LARP4B: variants seen among roughly 807,000 people sequenced by gnomAD.
LARP4B encodes the protein La ribonucleoprotein 4B.
LARP4B carries 12 observed loss-of-function variants against 89.8 expected under a neutral mutation model. That is an observed-to-expected ratio of 0.13 (90% CI 0.09 to 0.22). The LOEUF (loss-of-function observed/expected upper bound fraction) is 0.22. Among genes scored for constraint, LARP4B ranks in the 10% least tolerant of loss-of-function variants. The probability of loss-of-function intolerance (pLI) is 1.00; values close to 1 mark genes in which losing one functional copy is unlikely to be tolerated. For synonymous variants in LARP4B, 367 were observed against 363.3 expected, an observed-to-expected ratio of 1.01 and a Z score of -0.12; for missense variants, 757 against 947.7, an observed-to-expected ratio of 0.80 and a Z score of 2.64.
At position 812,819 on chromosome 10, in the gene LARP4B, TCA is replaced by T; in HGVS notation, c.*105_*106del. On this transcript the variant is annotated 3_prime_UTR_variant, in exon 18 of 18. Coordinates refer to ENST00000316157, the MANE Select transcript of LARP4B (RefSeq NM_015155.3). ...AACCAACTTGAGGATCCCACAGGCC[TCA>T]GACACTGCAAGCTCCTAACCAGCGG... is the stretch of plus-strand genomic sequence containing the variant. 1 of 1,040,814 alleles carries T rather than the reference TCA, an allele frequency of 9.6e-7. No individual in the cohort carries two copies. Among genetic ancestry groups the T allele is most frequent in the East Asian group, 2.8e-5 (1 of 35,154 alleles). 64.5% of individuals were successfully genotyped at this position (1,040,814 alleles called of 1,614,324 possible).
chr10:909,009 T>C (rs964647874), intron 1 of LARP4B, among the ~76,000 whole-genome samples: 3 of 152,160 alleles, frequency 2.0e-5, no homozygotes, highest in Admixed American at 6.5e-5. Flanking sequence ...AAATTCCAAG[T>C]TGCGGCCAGG....
chr10:820,526 A>G (rs61830897), intron 14 of LARP4B: 17,843 of 424,082 alleles, frequency 0.042, 492 homozygotes, highest in Middle Eastern at 0.082. Context: ...GCTGCAGTGC[A>G]TGCGACAGCA....
chr10:895,683 A>G (rs554776168), intron 1 of LARP4B, among the ~76,000 whole-genome samples: 70 of 152,064 alleles, frequency 4.6e-4, no homozygotes, highest in Non-Finnish European at 7.5e-4. Context: ...AAAAAAAAAA[A>G]AAAAGAAAAG....
At chr10:961,001 G>T in the LARP4B span, among the ~76,000 whole-genome samples, 1 of 152,180 alleles carries the variant, frequency 6.6e-6, no homozygotes, top group Non-Finnish European at 1.5e-5. Flanking sequence ...AGCACAGCAG[G>T]AGCGGAAGCC....
At chr10:982,289 G>C in the LARP4B span, among the ~76,000 whole-genome samples, 2 of 151,466 alleles carry the variant, frequency 1.3e-5, no homozygotes. Context: ...ATGGAGTTTT[G>C]CCATGTTGGC....
At chr10:829,983 A>G (rs1246025493) in intron 9 of LARP4B, among the ~76,000 whole-genome samples, 1 of 152,216 alleles carries the variant, frequency 6.6e-6, no homozygotes, top group African/African-American at 2.4e-5. Context: ...AACAGATGCC[A>G]TAGAAGTCTC....
chr10:824,033 C>T (rs1588859961), intron 13 of LARP4B, among the ~76,000 whole-genome samples: 1 of 152,186 alleles, frequency 6.6e-6, no homozygotes, highest in Non-Finnish European at 1.5e-5. Flanking sequence ...AGAGGGTGTG[C>T]ACTGTGGCAG....
At chr10:858,185 G>A (rs1254552241) in intron 5 of LARP4B, among the ~76,000 whole-genome samples, 2 of 152,112 alleles carry the variant, frequency 1.3e-5, no homozygotes, top group Non-Finnish European at 2.9e-5. Context: ...CTTTCCCTGC[G>A]GTGGCCTATT....
At chr10:884,620 T>C in intron 2 of LARP4B, 114 bp from the exon 3 acceptor site, 1 of 657,546 alleles carries the variant, frequency 1.5e-6, no homozygotes, top group Non-Finnish European at 2.6e-6. Flanking sequence ...ACATTTCACA[T>C]GACAAATTCA....
intron 1 of LARP4B, among the ~76,000 whole-genome samples, chr10:901,867 T>A: frequency 6.6e-6 from 1 of 152,224 alleles, no homozygotes; most frequent in South Asian, 2.1e-4. Flanking sequence ...TTGGTTCTCC[T>A]CCTAAGGAGG....
At chr10:847,524 C>CT (rs201495770) in intron 5 of LARP4B, among the ~76,000 whole-genome samples, 15,769 of 145,936 alleles carry the variant, frequency 0.11, 963 homozygotes, top group East Asian at 0.23. Context: ...AAACTTTTTT[C>CT]TTTTTTTTTT....
At chr10:857,996 A>G (rs1219126756) in intron 5 of LARP4B, among the ~76,000 whole-genome samples, 1 of 152,194 alleles carries the variant, frequency 6.6e-6, no homozygotes, top group African/African-American at 2.4e-5. Context: ...GCCAATTTCT[A>G]GAAAGACCCA....
At chr10:943,609 A>G in the LARP4B span, among the ~76,000 whole-genome samples, 1 of 152,126 alleles carries the variant, frequency 6.6e-6, no homozygotes, top group Admixed American at 6.6e-5. Context: ...TTCAGCCTCC[A>G]TTCTGAGTGG....
chr10:844,235 C>T (rs566146271), intron 6 of LARP4B, among the ~76,000 whole-genome samples: 1 of 152,338 alleles, frequency 6.6e-6, no homozygotes, highest in South Asian at 2.1e-4. Context: ...CACTTGTGCT[C>T]CACTAGGGCG....
intron 1 of LARP4B, among the ~76,000 whole-genome samples, chr10:905,137 G>A (rs1053714184): frequency 2.6e-5 from 4 of 152,042 alleles, no homozygotes; most frequent in African/African-American, 9.7e-5. Context: ...AACACTTCTG[G>A]CCTCAAGCAT....
At chr10:868,032 C>G (rs150796186) in intron 3 of LARP4B, among the ~76,000 whole-genome samples, 112 of 151,894 alleles carry the variant, frequency 7.4e-4, no homozygotes, top group African/African-American at 2.6e-3. Flanking sequence ...TTAAATAAAC[C>G]CTTCCACCCC....
chr10:945,127 T>G, the LARP4B span, among the ~76,000 whole-genome samples: 1 of 152,230 alleles, frequency 6.6e-6, no homozygotes, highest in Admixed American at 6.5e-5. Flanking sequence ...CTCACCCCTG[T>G]AATCTCAGCA....
At chr10:911,632 A>T (rs1460699187) in intron 1 of LARP4B, among the ~76,000 whole-genome samples, 1 of 152,128 alleles carries the variant, frequency 6.6e-6, no homozygotes, top group East Asian at 1.9e-4. Flanking sequence ...GGACACTTCT[A>T]ATGACTCTGA....
Position 814,663 on chromosome 10 carries a change from C to T in LARP4B, c.1929+79G>A. 1 of 1,551,884 alleles carries T rather than the reference C, an allele frequency of 6.4e-7. No individual in the cohort carries two copies. On this transcript the variant is annotated intron_variant, in intron 17 of 17. Transcript: ENST00000316157. The surrounding 1 kb of genome is among the most constrained non-coding windows in gnomAD (Gnocchi z 4.4). ...AAATTAGATGTGATTAAAAAACGAGCAGGTGCAGGAGTGCGCAGCGTCTGT... is the reference window on the plus strand; with the variant it reads ...AAATTAGATGTGATTAAAAAACGAGTAGGTGCAGGAGTGCGCAGCGTCTGT...
Sources: allele counts gnomAD v4.1 joint callset (sites outside exome capture counted in the v4.1 genomes callset), GRCh38; gene constraint gnomAD v4.1.1; non-coding constraint Gnocchi (gnomAD v3.1); transcripts MANE v1.5; gene names NCBI Gene and HGNC (gene_info 2026-07-23, HGNC 2026-07-21).